Variants in ACOT7 observed in about 807,000 individuals in gnomAD.
ACOT7 encodes the protein cytosolic acyl coenzyme A thioester hydrolase.
ACOT7 carries 12 observed loss-of-function variants against 40.2 expected under a neutral mutation model. That is an observed-to-expected ratio of 0.30 (90% CI 0.19 to 0.48). The LOEUF is 0.48. Among genes scored for constraint, ACOT7 ranks in the 20% least tolerant of loss-of-function variants. ACOT7 has a pLI of 0.99. For synonymous variants in ACOT7, 228 were observed against 219.5 expected (o/e 1.04, Z -0.34); for missense variants, 395 against 530.8 (o/e 0.74, Z 2.51).
intron 6 of ACOT7, among the ~76,000 whole-genome samples, chr1:6,308,083 A>AG (rs1640214379): frequency 8.7e-6 from 1 of 115,364 alleles, no homozygotes; most frequent in Non-Finnish European, 1.8e-5. Context: ...ACAGTGACCA[A>AG]AGGGAACTAC....
intron 3 of ACOT7, among the ~76,000 whole-genome samples, chr1:6,336,301 T>C (rs1217137204): frequency 7.7e-6 from 1 of 129,242 alleles, no homozygotes; most frequent in Non-Finnish European, 1.5e-5. Flanking sequence ...GCCACTGCAC[T>C]CTAGCCTGCA....
chr1:6,319,723 T>C (rs1424380615), intron 5 of ACOT7, among the ~76,000 whole-genome samples: 2 of 152,176 alleles, frequency 1.3e-5, no homozygotes, highest in Non-Finnish European at 2.9e-5. Context: ...TTGAAAACAG[T>C]GTTCACTTCC....
chr1:6,392,460 T>C (rs747312222), intron 1 of ACOT7, among the ~76,000 whole-genome samples: 3 of 152,038 alleles, frequency 2.0e-5, no homozygotes, highest in Non-Finnish European at 2.9e-5. Flanking sequence ...CCTCCCCACC[T>C]CCTATGGGAA....
chr1:6,389,513 C>T (rs1345494275), intron 1 of ACOT7, among the ~76,000 whole-genome samples: 2 of 152,062 alleles, frequency 1.3e-5, no homozygotes, highest in Non-Finnish European at 2.9e-5. Context: ...CAAAAGATAG[C>T]CACCAGCCAC....
At chr1:6,356,336 C>T (rs939713832) in intron 1 of ACOT7, among the ~76,000 whole-genome samples, 1 of 152,132 alleles carries the variant, frequency 6.6e-6, no homozygotes, top group African/African-American at 2.4e-5. Context: ...CTGATGCTCC[C>T]AAAGAAAGCA....
At chr1:6,297,220 T>C (rs774463408) in intron 6 of ACOT7, among the ~76,000 whole-genome samples, 2 of 152,082 alleles carry the variant, frequency 1.3e-5, no homozygotes, top group South Asian at 4.2e-4. Flanking sequence ...GTATTTTTAG[T>C]AGAGACAGGG....
At chr1:6,273,527 G>T (rs923891075) in intron 8 of ACOT7, among the ~76,000 whole-genome samples, 5 of 152,214 alleles carry the variant, frequency 3.3e-5, no homozygotes, top group African/African-American at 4.8e-5. Context: ...ACGCCTGTGG[G>T]CTGGCAGCAA....
intron 6 of ACOT7, among the ~76,000 whole-genome samples, chr1:6,298,713 T>A (rs540545110): frequency 1.3e-5 from 2 of 152,146 alleles, no homozygotes; most frequent in African/African-American, 4.8e-5. Flanking sequence ...AAGGTGCAGG[T>A]TGGCTAAGCC....
intron 4 of ACOT7, among the ~76,000 whole-genome samples, chr1:6,333,024 G>C (rs1641003982): frequency 6.6e-6 from 1 of 152,158 alleles, no homozygotes; most frequent in African/African-American, 2.4e-5. Context: ...GCTTGCAGGG[G>C]CCACGGGGGA....
chr1:6,295,152 T>G (rs1397851776), intron 6 of ACOT7, 172 bp from the exon 7 acceptor site: 148 of 439,176 alleles, frequency 3.4e-4, no homozygotes, highest in East Asian at 4.1e-4. Flanking sequence ...ACGCGCTACA[T>G]GGGGCTTCCT....
intron 5 of ACOT7, 134 bp downstream of exon 5, chr1:6,327,165 A>T: frequency 1.1e-6 from 1 of 894,990 alleles, no homozygotes; most frequent in Non-Finnish European, 1.7e-6. Flanking sequence ...GACCCCAGAG[A>T]AACTGGTTCC....
At position 6,282,298 on chromosome 1, in the gene ACOT7, C is replaced by T. The variant is rs2148380639; in HGVS notation, c.830-1012G>A. On this transcript the variant is annotated intron_variant, in intron 7 of 8. Transcript: ENST00000361521. This position sits in a 1 kb window ranked among gnomAD's most constrained non-coding sequence, Gnocchi z 4.5. ...GGGGGATAGCTACGGGATGGAAGGA[C>T]TCAAGCCAAGAGCTGACCTGGGGCC... Among the ~76,000 whole-genome samples the T allele has an allele frequency of 6.6e-6, 1 of 152,286 alleles. No individual in the cohort carries two copies.
intron 8 of ACOT7, among the ~76,000 whole-genome samples, chr1:6,271,881 A>G (rs915459419): frequency 6.6e-6 from 1 of 152,254 alleles, no homozygotes; most frequent in Non-Finnish European, 1.5e-5. Context: ...CTGCTGGCGG[A>G]GGCAGGGAGA....
chr1:6,342,679 ATTC>A (rs1032715997), intron 2 of ACOT7, among the ~76,000 whole-genome samples: 34 of 152,316 alleles, frequency 2.2e-4, no homozygotes, highest in East Asian at 9.6e-4. Flanking sequence ...GGAATTGAAC[ATTC>A]TTCTTCTGTT....
At chr1:6,316,579 G>A (rs1217401884) in intron 6 of ACOT7, among the ~76,000 whole-genome samples, 2 of 152,256 alleles carry the variant, frequency 1.3e-5, no homozygotes, top group East Asian at 3.8e-4. Context: ...GGAGGCCAAG[G>A]TGGGCAGATC....
intron 6 of ACOT7, among the ~76,000 whole-genome samples, chr1:6,304,531 G>A (rs1640066440): frequency 7.4e-6 from 1 of 135,514 alleles, no homozygotes; most frequent in African/African-American, 2.8e-5. Flanking sequence ...CCTAGGCAGA[G>A]GACCCTGCGG....
intron 2 of ACOT7, among the ~76,000 whole-genome samples, chr1:6,348,637 G>A (rs753017677): frequency 6.6e-6 from 1 of 152,212 alleles, no homozygotes; most frequent in African/African-American, 2.4e-5. Context: ...TATGAACCAG[G>A]AAACAAATGG....
At chr1:6,370,079 A>G (rs2148472746) in intron 1 of ACOT7, among the ~76,000 whole-genome samples, 1 of 152,304 alleles carries the variant, frequency 6.6e-6, no homozygotes, top group East Asian at 1.9e-4. Context: ...GCATGGTGCC[A>G]TCCTCGTGGT....
chr1:6,291,387 A>C (rs1639659534), intron 7 of ACOT7, among the ~76,000 whole-genome samples: 1 of 152,076 alleles, frequency 6.6e-6, no homozygotes, highest in Non-Finnish European at 1.5e-5. Context: ...GTCAAGGAAC[A>C]GCTGCTGCTC....
Sources: allele counts gnomAD v4.1 joint callset (sites outside exome capture counted in the v4.1 genomes callset), GRCh38; gene constraint gnomAD v4.1.1; non-coding constraint Gnocchi (gnomAD v3.1); transcripts MANE v1.5; gene names NCBI Gene and HGNC (gene_info 2026-07-23, HGNC 2026-07-21).